The following PEPD variants were observed in gnomAD, a reference collection of about 807,000 sequenced individuals.
PEPD encodes the protein xaa-Pro dipeptidase.
PEPD carries 53 observed loss-of-function variants against 60.7 expected under a neutral mutation model. That is an observed-to-expected ratio of 0.87 (90% CI 0.70 to 1.10). The LOEUF (loss-of-function observed/expected upper bound fraction) is 1.10. Ranked by LOEUF, PEPD falls within the 50% of genes least tolerant of loss-of-function variation. The probability of loss-of-function intolerance (pLI) is 0.00; values close to 1 mark genes in which losing one functional copy is unlikely to be tolerated. For synonymous variants in PEPD, 267 were observed against 284.1 expected, an observed-to-expected ratio of 0.94 and a Z score of 0.60; for missense variants, 711 against 711.9, an observed-to-expected ratio of 1.00 and a Z score of 0.01.
chr19:33,403,577 G>A (rs1220078261), intron 11 of PEPD, among the ~76,000 whole-genome samples: 4 of 152,204 alleles, frequency 2.6e-5, no homozygotes, highest in Non-Finnish European at 5.9e-5. Flanking sequence ...CTGTCCCATG[G>A]GAGGGAGCCA....
chr19:33,408,703 G>A (rs956331999), intron 11 of PEPD, among the ~76,000 whole-genome samples: 3 of 152,194 alleles, frequency 2.0e-5, no homozygotes, highest in South Asian at 2.1e-4. Flanking sequence ...TGCAGCAGGC[G>A]CACTGCTCTG....
chr19:33,512,746 C>T lies in PEPD; in HGVS notation c.48G>A (p.Leu16=). The change falls in exon 2 of 15, where the codon CTG becomes CTA. Residue 16 remains leucine, a synonymous_variant. Coordinates refer to ENST00000244137, the MANE Select transcript of PEPD (RefSeq NM_000285.4). ...GPSFWLGNET[L]KVPLALFALN... The stretch of plus-strand genomic sequence containing the variant: ...AGGCAAAGAGCGCCAGCGGCACCTT[C>T]AGGGTTTCATTCCCCAGCCAAAACG... 1 of 1,614,144 alleles carries T rather than the reference C, an allele frequency of 6.2e-7. No homozygotes were observed. The highest frequency in any genetic ancestry group is 8.5e-7 in the Non-Finnish European group (1 of 1,180,010).
chr19:33,424,166 C>A (rs1402047524), intron 9 of PEPD, among the ~76,000 whole-genome samples: 1 of 152,218 alleles, frequency 6.6e-6, no homozygotes, highest in Non-Finnish European at 1.5e-5. Flanking sequence ...CCTCCCCAAG[C>A]AGCTGGCCCT....
At chr19:33,492,925 G>T (rs931308818) in intron 5 of PEPD, among the ~76,000 whole-genome samples, 1 of 152,056 alleles carries the variant, frequency 6.6e-6, no homozygotes, top group African/African-American at 2.4e-5. Context: ...GGCCCAGACT[G>T]GAGCACAGTG....
chr19:33,512,884 C>G, intron 1 of PEPD, 108 bp from the exon 2 acceptor site: 1 of 1,251,106 alleles, frequency 8.0e-7, no homozygotes, highest in Non-Finnish European at 1.2e-6. Flanking sequence ...CGTGGGACCC[C>G]CATCAGCACG....
At chr19:33,498,215 T>C (rs1970644638) in intron 4 of PEPD, among the ~76,000 whole-genome samples, 1 of 152,048 alleles carries the variant, frequency 6.6e-6, no homozygotes, top group Non-Finnish European at 1.5e-5. Flanking sequence ...TCAACACCAA[T>C]CTGCAATGGC....
At chr19:33,483,779 C>T (rs549728202) in intron 6 of PEPD, among the ~76,000 whole-genome samples, 4 of 152,190 alleles carry the variant, frequency 2.6e-5, no homozygotes, top group African/African-American at 9.6e-5. Flanking sequence ...CACTGTACTC[C>T]AGCAGCCTGG....
chr19:33,393,526 A>G (rs111540696), intron 12 of PEPD, among the ~76,000 whole-genome samples: 27,821 of 146,402 alleles, frequency 0.19, 2,670 homozygotes, highest in African/African-American at 0.22. Context: ...AAACAGCCCC[A>G]CCTCCGTGAG....
chr19:33,460,242 T>C (rs994834560), intron 9 of PEPD, among the ~76,000 whole-genome samples: 1 of 152,244 alleles, frequency 6.6e-6, no homozygotes, highest in East Asian at 1.9e-4. Context: ...CTACAGTGGG[T>C]CAGACACCGC....
intron 9 of PEPD, among the ~76,000 whole-genome samples, chr19:33,454,969 A>G (rs536155093): frequency 6.6e-6 from 1 of 152,350 alleles, no homozygotes; most frequent in East Asian, 1.9e-4. Flanking sequence ...GGCATTCTTC[A>G]AAGTACCTAG....
At chr19:33,501,147 C>T in intron 3 of PEPD, 146 bp from the exon 4 acceptor site, 1 of 712,610 alleles carries the variant, frequency 1.4e-6, no homozygotes, top group South Asian at 1.5e-5. Context: ...CGGCACCGAA[C>T]AGGTCGGCCC....
At chr19:33,396,966 C>A (rs1488267114) in intron 12 of PEPD, among the ~76,000 whole-genome samples, 1 of 152,162 alleles carries the variant, frequency 6.6e-6, no homozygotes, top group African/African-American at 2.4e-5. Flanking sequence ...AGCAGCGCCT[C>A]CCCCCATTCC....
At chr19:33,440,588 G>GT (rs1287543431) in intron 9 of PEPD, among the ~76,000 whole-genome samples, 1 of 152,088 alleles carries the variant, frequency 6.6e-6, no homozygotes, top group African/African-American at 2.4e-5. Flanking sequence ...CCAGAGCTCA[G>GT]TCCCTCGCCC....
intron 7 of PEPD, among the ~76,000 whole-genome samples, chr19:33,471,405 T>C (rs937261172): frequency 6.6e-6 from 1 of 152,214 alleles, no homozygotes; most frequent in Admixed American, 6.5e-5. Flanking sequence ...TTTTCCAGCA[T>C]TCCGCGCAGT....
chr19:33,426,659 A>G (rs1969156993), intron 9 of PEPD, among the ~76,000 whole-genome samples: 1 of 152,238 alleles, frequency 6.6e-6, no homozygotes, highest in Admixed American at 6.5e-5. Flanking sequence ...CCCGGGAGGC[A>G]GCGCCAAGCC....
chr19:33,454,676 G>A (rs1969763648), intron 9 of PEPD, among the ~76,000 whole-genome samples: 1 of 152,068 alleles, frequency 6.6e-6, no homozygotes, highest in African/African-American at 2.4e-5. Context: ...AAATAAATGA[G>A]GGAGAAGAGA....
At chr19:33,387,613 C>G (rs927875684) in intron 14 of PEPD, 132 bp from the exon 15 acceptor site, 1 of 1,196,232 alleles carries the variant, frequency 8.4e-7, no homozygotes, top group Non-Finnish European at 1.2e-6. Flanking sequence ...GGGTGGCCTC[C>G]GGGCTCCTTC....
intron 3 of PEPD, among the ~76,000 whole-genome samples, chr19:33,508,939 C>G (rs1255885468): frequency 6.6e-6 from 1 of 152,214 alleles, no homozygotes; most frequent in Non-Finnish European, 1.5e-5. Context: ...CCTGGGGGGC[C>G]TCCAGAGCAG....
chr19:33,425,460 T>C (rs1351954432), intron 9 of PEPD, among the ~76,000 whole-genome samples: 1 of 152,068 alleles, frequency 6.6e-6, no homozygotes, highest in East Asian at 1.9e-4. Context: ...TGCAGGGAGC[T>C]TTCTGGAGGG....
Sources: allele counts gnomAD v4.1 joint callset (sites outside exome capture counted in the v4.1 genomes callset), GRCh38; gene constraint gnomAD v4.1.1; transcripts MANE v1.5; gene names NCBI Gene and HGNC (gene_info 2026-07-23, HGNC 2026-07-21).